VIPAS39: variants seen among roughly 807,000 people sequenced by gnomAD.
VIPAS39 encodes the protein spermatogenesis-defective protein 39 homolog.
VIPAS39 carries 63 observed loss-of-function variants against 84.7 expected under a neutral mutation model. The observed-to-expected ratio is 0.74, with a 90% CI of 0.61 to 0.92. The LOEUF is 0.92. VIPAS39 is among the 40% of genes least tolerant of loss of function. The pLI, the probability that VIPAS39 is intolerant of heterozygous loss-of-function variation, is 0.00. For synonymous variants in VIPAS39, 192 were observed against 216.5 expected, an observed-to-expected ratio of 0.89 and a Z score of 0.99; for missense variants, 499 against 604.5, an observed-to-expected ratio of 0.83 and a Z score of 1.83.
chr14:77,436,471 G>A (rs1423992656), intron 12 of VIPAS39, among the ~76,000 whole-genome samples: 1 of 152,150 alleles, frequency 6.6e-6, no homozygotes, highest in African/African-American at 2.4e-5. Context: ...TTGAGATGGA[G>A]TTTCTCTGTG....
chr14:77,434,058 A>T, intron 15 of VIPAS39, 127 bp from the exon 16 acceptor site: 1 of 1,259,256 alleles, frequency 7.9e-7, no homozygotes, highest in Non-Finnish European at 1.1e-6. Flanking sequence ...AAAATCAAAA[A>T]ATTTCTCAGT....
Position 77,454,047 on chromosome 14 carries a change from G to C in VIPAS39, c.56C>G (p.Ala19Gly). The change falls in exon 2 of 20, where the codon GCT becomes GGT. Residue 19 changes from alanine to glycine, a missense_variant. Coordinates refer to ENST00000557658, the MANE Select transcript of VIPAS39 (RefSeq NM_001193315.2). ...EEYWNSSKFK[A>G]FTFDDEDDEL... The stretch of plus-strand genomic sequence containing the variant: ...ATCGTCTTCATCGTCAAAGGTAAAA[G>C]CCTTGAACTTGGAGCTGTTCCAATA... 6.2e-7 allele frequency: 1 copy of C among 1,614,162 alleles called. No individual in the cohort carries two copies. The highest frequency in any genetic ancestry group is 8.5e-7 in the Non-Finnish European group (1 of 1,180,030).
intron 7 of VIPAS39, among the ~76,000 whole-genome samples, chr14:77,448,190 G>A (rs1024469975): frequency 6.6e-6 from 1 of 151,692 alleles, no homozygotes; most frequent in South Asian, 2.1e-4. Flanking sequence ...TCTTGACCTC[G>A]TGATCCACCC....
intron 16 of VIPAS39, among the ~76,000 whole-genome samples, chr14:77,431,172 G>T (rs1249624872): frequency 2.0e-5 from 3 of 152,054 alleles, no homozygotes; most frequent in Non-Finnish European, 2.9e-5. Context: ...GGCTACAAAA[G>T]CAAAAATAAA....
At chr14:77,428,328 T>G in intron 19 of VIPAS39, 42 bp downstream of exon 19, 1 of 1,569,952 alleles carries the variant, frequency 6.4e-7, no homozygotes, top group East Asian at 2.2e-5. Context: ...GTGAACTGTC[T>G]GTCTCCTGAG....
chr14:77,428,295 G>A lies in VIPAS39; in HGVS notation c.1461+75C>T. On this transcript the variant is annotated intron_variant, in intron 19 of 19. Transcript: ENST00000557658. ...CAACTGCAATCCTTCCAGACCTTGG[G>A]AACATACATTTGGTACTATTTTGTG... 4 of 1,352,128 alleles carry A rather than the reference G, an allele frequency of 3.0e-6. No individual in the cohort carries two copies. The South Asian group carries it at 3.6e-5, about 12-fold the overall frequency. 83.8% of individuals were successfully genotyped at this position (1,352,128 alleles called of 1,614,324 possible).
At chr14:77,450,171 C>T (rs79100753) in intron 4 of VIPAS39, among the ~76,000 whole-genome samples, 4,587 of 152,280 alleles carry the variant, frequency 0.03, 227 homozygotes, top group African/African-American at 0.1. Flanking sequence ...CATTCTACTT[C>T]CTGTCTCTAT....
At chr14:77,434,189 G>A in intron 15 of VIPAS39, 73 bp downstream of exon 15, 4 of 1,470,910 alleles carry the variant, frequency 2.7e-6, no homozygotes, top group Non-Finnish European at 3.8e-6. Flanking sequence ...ACTGTACAGG[G>A]TTACAAAGCA....
At chr14:77,444,749 A>T (rs932208589) in intron 7 of VIPAS39, among the ~76,000 whole-genome samples, 4 of 150,902 alleles carry the variant, frequency 2.7e-5, no homozygotes, top group Admixed American at 2.6e-4. Context: ...ATTTTTTTTT[A>T]GTAATTTAAT....
At chr14:77,429,467 C>A (rs986819941) in intron 17 of VIPAS39, among the ~76,000 whole-genome samples, 8 of 144,950 alleles carry the variant, frequency 5.5e-5, no homozygotes, top group Admixed American at 4.0e-4. Flanking sequence ...ACAGTAGATG[C>A]TACTCAGAGA....
chr14:77,451,084 C>T, intron 4 of VIPAS39, 103 bp downstream of exon 4: 12 of 1,552,740 alleles, frequency 7.7e-6, no homozygotes, highest in South Asian at 1.1e-5. Context: ...GAATGCTTTA[C>T]CCTTCAATAA....
chr14:77,435,701 G>C, intron 13 of VIPAS39, 143 bp downstream of exon 13: 5 of 940,702 alleles, frequency 5.3e-6, no homozygotes, highest in Non-Finnish European at 8.5e-6. Context: ...GGAGGAAGGG[G>C]GCTATTGTGT....
chr14:77,428,501 C>T, intron 18 of VIPAS39, 27 bp from the exon 19 acceptor site: 3 of 1,605,910 alleles, frequency 1.9e-6, no homozygotes, highest in Non-Finnish European at 2.6e-6. Context: ...ACAATACAAA[C>T]CTCCAATCAG....
chr14:77,438,420 G>A (rs1422733633), intron 11 of VIPAS39, among the ~76,000 whole-genome samples: 1 of 152,060 alleles, frequency 6.6e-6, no homozygotes, highest in Non-Finnish European at 1.5e-5. Flanking sequence ...GTAGAGGCAG[G>A]GTTTCACTAT....
chr14:77,443,235 T>C (rs1289232408), intron 8 of VIPAS39, 83 bp from the exon 9 acceptor site: 10 of 1,509,066 alleles, frequency 6.6e-6, no homozygotes, highest in Non-Finnish European at 9.2e-6. Flanking sequence ...GGCCAGCAAC[T>C]CATTAGCAAT....
rs1291432314 is a variant in VIPAS39, at chr14:77,429,885, G to GA, written c.1180-119dup. 6.9e-6 allele frequency: 6 copies of GA among 874,106 alleles called. 1 individual carries two copies. Among genetic ancestry groups the GA allele is most frequent in the Non-Finnish European group, 9.8e-6 (5 of 507,830 alleles). 54.1% of individuals were successfully genotyped at this position (874,106 alleles called of 1,614,324 possible). On this transcript the variant is annotated intron_variant, in intron 16 of 19. Coordinates refer to ENST00000557658, the MANE Select transcript of VIPAS39 (RefSeq NM_001193315.2). Reference sequence around the variant, plus strand: ...TGGTGGGTGAGTGGGGGTGCTGAGGGATACAGAAATAATGAGAAATGAATT... The same window carrying GA: ...TGGTGGGTGAGTGGGGGTGCTGAGGGAATACAGAAATAATGAGAAATGAATT...
Position 77,453,287 on chromosome 14 carries a change from T to C in VIPAS39, c.196+12A>G, listed in dbSNP as rs780421857. On this transcript the variant is annotated intron_variant, in intron 3 of 19. Transcript: ENST00000557658. The stretch of plus-strand genomic sequence containing the variant: ...TCAACATCTATCCCTGCCTAGGGAC[T>C]CTTCTACTTACTTCCCACAGGTTCC... 6.2e-7 allele frequency: 1 copy of C among 1,613,246 alleles called. No individual in the cohort carries two copies. Among genetic ancestry groups the C allele is most frequent in the Non-Finnish European group, 8.5e-7 (1 of 1,179,210 alleles).
chr14:77,443,638 T>C (rs1295702424), intron 8 of VIPAS39, among the ~76,000 whole-genome samples: 1 of 152,086 alleles, frequency 6.6e-6, no homozygotes, highest in Non-Finnish European at 1.5e-5. Context: ...CTCACGCCTA[T>C]AATCCCAGCT....
At chr14:77,429,244 A>T in intron 17 of VIPAS39, 149 bp from the exon 18 acceptor site, 2 of 715,230 alleles carry the variant, frequency 2.8e-6, no homozygotes, top group South Asian at 3.0e-5. Context: ...TAGTTCTGCA[A>T]TGGGAATGAG....
Sources: allele counts gnomAD v4.1 joint callset (sites outside exome capture counted in the v4.1 genomes callset), GRCh38; gene constraint gnomAD v4.1.1; transcripts MANE v1.5; gene names NCBI Gene and HGNC (gene_info 2026-07-23, HGNC 2026-07-21).